The following ATR variants were observed in gnomAD, a reference collection of about 807,000 sequenced individuals.
ATR encodes the protein serine/threonine-protein kinase ATR.
In ATR, 142 loss-of-function variants were observed where a neutral mutation model predicts 305.3. The ratio of observed to expected loss-of-function variants is 0.47; its 90% CI spans 0.41 to 0.53. The LOEUF is 0.53. Ranked by LOEUF, ATR falls within the 20% of genes least tolerant of loss-of-function variation. The pLI, the probability that ATR is intolerant of heterozygous loss-of-function variation, is 0.00. For synonymous variants in ATR, 1,050 were observed against 1,068.1 expected (o/e 0.98, Z 0.33); for missense variants, 2,135 against 3,133.1 (o/e 0.68, Z 7.60).
chr3:142,574,470 AAAAAAAAG>A (rs2035374544), intron 1 of ATR, among the ~76,000 whole-genome samples: 1 of 151,798 alleles, frequency 6.6e-6, no homozygotes, highest in Admixed American at 6.6e-5. Context: ...AAAAAAAAAA[AAAAAAAAG>A]AAAAAAGAAA....
chr3:142,450,781 G>T, intron 46 of ATR: 1 of 1,454,420 alleles, frequency 6.9e-7, no homozygotes, highest in South Asian at 1.3e-5. Context: ...TTATCACACT[G>T]CGTGGACAGA....
rs753333917 is a variant in ATR at position 142,496,530 on chromosome 3, G to T, written c.5739-10C>A. On this transcript the variant is annotated splice_polypyrimidine_tract_variant and intron_variant, in intron 33 of 46. Transcript: ENST00000350721. ...TTCATTGTAATCTGGTCTAAAGGAA[G>T]TAACAACACATTGGTGAGAGAGACC... The T allele has an allele frequency of 1.6e-5, 25 of 1,548,416 alleles. No individual in the cohort carries two copies. The highest frequency in any genetic ancestry group is 1.8e-4 in the Middle Eastern group (1 of 5,514).
At chr3:142,523,280 C>T (rs956860182) in intron 22 of ATR, among the ~76,000 whole-genome samples, 3 of 151,886 alleles carry the variant, frequency 2.0e-5, no homozygotes, top group Non-Finnish European at 4.4e-5. Flanking sequence ...ATTAGCCAGG[C>T]GTGGTGGTGC....
intron 10 of ATR, among the ~76,000 whole-genome samples, chr3:142,554,606 T>C (rs1407336998): frequency 1.3e-5 from 2 of 152,160 alleles, no homozygotes; most frequent in Non-Finnish European, 2.9e-5. Flanking sequence ...TAGACCATTA[T>C]ATGTTACCAA....
chr3:142,534,658 C>T (rs2033788807), intron 21 of ATR, among the ~76,000 whole-genome samples: 1 of 152,104 alleles, frequency 6.6e-6, no homozygotes, highest in African/African-American at 2.4e-5. Flanking sequence ...TCACTCACCC[C>T]TTGAAAAAGT....
intron 32 of ATR, 140 bp downstream of exon 32, chr3:142,498,457 G>A (rs2031767977): frequency 2.7e-6 from 2 of 748,882 alleles, no homozygotes; most frequent in Non-Finnish European, 4.4e-6. Context: ...GTGATTGTGA[G>A]GTAAAAAGAA....
At chr3:142,471,640 T>C (rs2071269955) in intron 36 of ATR, among the ~76,000 whole-genome samples, 1 of 152,164 alleles carries the variant, frequency 6.6e-6, no homozygotes, top group Admixed American at 6.6e-5. Context: ...CAAATAAAAA[T>C]TGTGTATATT....
intron 41 of ATR, among the ~76,000 whole-genome samples, chr3:142,464,605 A>G (rs1264921874): frequency 6.6e-6 from 1 of 152,246 alleles, no homozygotes; most frequent in African/African-American, 2.4e-5. Context: ...AATAATGCCA[A>G]GTGATTTAAG....
Position 142,494,404 on chromosome 3 carries a change from T to C in ATR, c.5899-1093A>G, listed in dbSNP as rs151077017. ...CATAGTCACATGAGAAAAGAAACTA[T>C]GTGAAATAAAAGCATATTTGCTAAG... is the stretch of plus-strand genomic sequence containing the variant. On this transcript the variant is annotated intron_variant, in intron 34 of 46. Transcript: ENST00000350721. Among the ~76,000 whole-genome samples, 10 of 152,292 alleles carry C rather than the reference T, an allele frequency of 6.6e-5. No individual in the cohort carries two copies. The East Asian group carries it at 1.4e-3, about 21-fold the overall frequency.
intron 36 of ATR, among the ~76,000 whole-genome samples, chr3:142,476,390 G>A (rs2071449976): frequency 6.6e-6 from 1 of 152,146 alleles, no homozygotes; most frequent in African/African-American, 2.4e-5. Context: ...GGTGGTCGAA[G>A]ATCAGATAGT....
intron 42 of ATR, among the ~76,000 whole-genome samples, chr3:142,460,870 T>C (rs1339664316): frequency 2.0e-5 from 3 of 152,156 alleles, no homozygotes; most frequent in Non-Finnish European, 4.4e-5. Context: ...CAGCTTTCCT[T>C]AATGTTCATA....
chr3:142,501,939 G>A (rs1014625532), intron 30 of ATR, among the ~76,000 whole-genome samples: 1 of 152,118 alleles, frequency 6.6e-6, no homozygotes, highest in Non-Finnish European at 1.5e-5. Flanking sequence ...TAGAGATGGG[G>A]TTTTACCATG....
At chr3:142,540,585 A>T (rs2034015087) in intron 18 of ATR, among the ~76,000 whole-genome samples, 1 of 152,110 alleles carries the variant, frequency 6.6e-6, no homozygotes, top group Admixed American at 6.6e-5. Flanking sequence ...AGATTCTGGG[A>T]TCTTCTCTAA....
intron 36 of ATR, among the ~76,000 whole-genome samples, chr3:142,483,738 G>A (rs926108892): frequency 1.3e-5 from 2 of 152,114 alleles, no homozygotes; most frequent in Admixed American, 6.6e-5. Flanking sequence ...TCAGAAGGGT[G>A]AGCCAGAGTC....
chr3:142,516,984 A>AATATATATATATAT (rs534243837), intron 24 of ATR, among the ~76,000 whole-genome samples: 1,631 of 138,970 alleles, frequency 0.012, 22 homozygotes, highest in African/African-American at 0.041. Flanking sequence ...ATACCCAAAT[A>AATATATATATATAT]ATATATATAT....
chr3:142,468,201 T>G, intron 38 of ATR, 133 bp from the exon 39 acceptor site: 1 of 1,112,368 alleles, frequency 9.0e-7, no homozygotes, highest in Non-Finnish European at 1.3e-6. Context: ...TTCTGAAAAT[T>G]TATTTGGCAA....
rs183685185 is a variant in ATR, at chr3:142,504,895, G to A, written c.5196+244C>T. Among the ~76,000 whole-genome samples, 26 of 151,904 alleles carry A rather than the reference G, an allele frequency of 1.7e-4. No homozygotes were observed. In the South Asian group the frequency reaches 4.4e-3, roughly 26 times the overall value. On this transcript the variant is annotated intron_variant, in intron 29 of 46. Transcript: ENST00000350721. Reference sequence around the variant, plus strand: ...GAAACAGTATTAAAACTAAGGTTTCGGCTGGATGTGGTGTGGTGGCACACG... The same window carrying A: ...GAAACAGTATTAAAACTAAGGTTTCAGCTGGATGTGGTGTGGTGGCACACG...
chr3:142,520,197 T>C (rs1411987702), intron 23 of ATR, among the ~76,000 whole-genome samples: 1 of 152,174 alleles, frequency 6.6e-6, no homozygotes, highest in Non-Finnish European at 1.5e-5. Context: ...AATCGATAAA[T>C]GTGGTGTGTG....
In ATR at chr3:142,526,974, A is replaced by G. The variant is rs1292318950; in HGVS notation, c.3946-2775T>C. Among the ~76,000 whole-genome samples, 5 of 151,988 alleles carry G rather than the reference A, an allele frequency of 3.3e-5. No homozygotes were observed. The East Asian group carries it at 9.6e-4, about 29-fold the overall frequency. ...TGGCTAATTTTTGTATTTTTTGTAG[A>G]GATGGGGTCTTGCTATATTGCTCAG... On this transcript the variant is annotated intron_variant, in intron 21 of 46. Transcript: ENST00000350721.
Sources: allele counts gnomAD v4.1 joint callset (sites outside exome capture counted in the v4.1 genomes callset), GRCh38; gene constraint gnomAD v4.1.1; transcripts MANE v1.5; gene names NCBI Gene and HGNC (gene_info 2026-07-23, HGNC 2026-07-21).